Variants in POU6F2 observed in about 807,000 individuals in gnomAD.
The protein encoded by POU6F2 is POU domain, class 6, transcription factor 2.
POU6F2 carries 31 observed loss-of-function variants against 71.3 expected under a neutral mutation model. The observed-to-expected ratio is 0.43, with a 90% CI of 0.33 to 0.59. The LOEUF (loss-of-function observed/expected upper bound fraction) is 0.59. POU6F2 is among the 20% of genes least tolerant of loss of function. The pLI is 0.04. For missense variants in POU6F2, 783 were observed against 856.8 expected (o/e 0.91, Z 1.07); for synonymous variants, 347 against 355.7 (o/e 0.98, Z 0.27).
At chr7:39,379,803 G>A (rs1475696965) in intron 5 of POU6F2, among the ~76,000 whole-genome samples, 1 of 152,118 alleles carries the variant, frequency 6.6e-6, no homozygotes, top group Non-Finnish European at 1.5e-5. Flanking sequence ...AGAACTGTTC[G>A]CTTGGGCCAG....
chr7:39,349,856 G>A (rs1786107044), intron 5 of POU6F2, among the ~76,000 whole-genome samples: 1 of 152,212 alleles, frequency 6.6e-6, no homozygotes, highest in South Asian at 2.1e-4. Context: ...GCAGAGCCAA[G>A]GCAGAGAAAG....
rs78922387 is a variant in POU6F2, at chr7:39,187,076, A to T, written c.278-17159A>T. Among the ~76,000 whole-genome samples, 148 of 152,358 alleles carry T rather than the reference A, an allele frequency of 9.7e-4. 2 individuals carry two copies. The South Asian group carries it at 0.022, about 22-fold the overall frequency. On this transcript the variant is annotated intron_variant, in intron 2 of 9. Transcript: ENST00000518318. ...TATTGTGTGTTTACTATGTGCCAGA[A>T]ACTGCAATTATGCAATTTATTTATT...
chr7:39,055,833 A>C (rs1790503894), intron 1 of POU6F2, among the ~76,000 whole-genome samples: 1 of 151,964 alleles, frequency 6.6e-6, no homozygotes, highest in South Asian at 2.1e-4. Context: ...CTTGATGTTG[A>C]GCATTCTGTT....
At chr7:39,053,110 G>A (rs555413057) in intron 1 of POU6F2, among the ~76,000 whole-genome samples, 6 of 152,234 alleles carry the variant, frequency 3.9e-5, no homozygotes, top group Admixed American at 3.9e-4. Flanking sequence ...CCTTAGTAGA[G>A]CTGATCTATG....
chr7:39,375,596 G>A (rs1786695868), intron 5 of POU6F2, among the ~76,000 whole-genome samples: 1 of 151,392 alleles, frequency 6.6e-6, no homozygotes, highest in East Asian at 1.9e-4. Context: ...ACAGGGACTC[G>A]ATGGCCAAGA....
chr7:39,392,005 C>A (rs1428350039), intron 5 of POU6F2, among the ~76,000 whole-genome samples: 1 of 152,128 alleles, frequency 6.6e-6, no homozygotes, highest in Non-Finnish European at 1.5e-5. Flanking sequence ...CAATGAACAG[C>A]CCAGTTGTTT....
intron 4 of POU6F2, among the ~76,000 whole-genome samples, chr7:39,303,655 T>TGTGG (rs1486303776): frequency 6.6e-6 from 1 of 152,190 alleles, no homozygotes; most frequent in African/African-American, 2.4e-5. Flanking sequence ...CTTCAGTCAA[T>TGTGG]GTGGGAGCAA....
intron 1 of POU6F2, among the ~76,000 whole-genome samples, chr7:39,052,466 TGAATGCAAACAGGG>T (rs1481680237): frequency 6.6e-6 from 1 of 151,914 alleles, no homozygotes; most frequent in East Asian, 1.9e-4. Flanking sequence ...GGAGAGAGAA[TGAATGCAAACAGGG>T]GAAATACCAG....
At chr7:39,036,668 A>T (rs554226181) in intron 1 of POU6F2, among the ~76,000 whole-genome samples, 41 of 93,976 alleles carry the variant, frequency 4.4e-4, no homozygotes, top group African/African-American at 1.1e-3. Flanking sequence ...ACATAGATTT[A>T]AAAAAAAAAA....
At position 39,164,004 on chromosome 7, in the gene POU6F2, A is replaced by T. The variant is rs73365561; in HGVS notation, c.278-40231A>T. ...AAAATTCCAGTTAGGCAGGAGAAGTAAGTTCAAGAGATCTACTATAAATCA... is the reference window on the plus strand; with the variant it reads ...AAAATTCCAGTTAGGCAGGAGAAGTTAGTTCAAGAGATCTACTATAAATCA... On this transcript the variant is annotated intron_variant, in intron 2 of 9. Coordinates refer to ENST00000518318, the MANE Select transcript of POU6F2 (RefSeq NM_001370959.1). 7.7e-3 allele frequency among the ~76,000 whole-genome samples: 1,177 copies of T among 152,276 alleles called. 13 individuals are homozygous for T. Among genetic ancestry groups the T allele is most frequent in the African/African-American group, 0.027 (1,130 of 41,550 alleles).
intron 5 of POU6F2, among the ~76,000 whole-genome samples, chr7:39,347,045 C>A (rs1427841198): frequency 6.6e-6 from 1 of 152,172 alleles, no homozygotes; most frequent in East Asian, 1.9e-4. Flanking sequence ...CTGTGCTGGA[C>A]ATTTGAGTCA....
intron 4 of POU6F2, among the ~76,000 whole-genome samples, chr7:39,282,416 G>A (rs189334738): frequency 3.9e-5 from 6 of 152,014 alleles, no homozygotes; most frequent in East Asian, 3.9e-4. Flanking sequence ...ATCATTTGGC[G>A]TTTTACATTT....
At chr7:39,414,794 G>C (rs772738973) in intron 6 of POU6F2, among the ~76,000 whole-genome samples, 1 of 149,228 alleles carries the variant, frequency 6.7e-6, no homozygotes, top group African/African-American at 2.5e-5. Flanking sequence ...AGCCCTCTCT[G>C]AACTCTTTCT....
chr7:39,302,084 A>G (rs2128764888), intron 4 of POU6F2, among the ~76,000 whole-genome samples: 1 of 152,280 alleles, frequency 6.6e-6, no homozygotes, highest in African/African-American at 2.4e-5. Flanking sequence ...AATGAAGTCA[A>G]TTTCTCCAGT....
At chr7:39,439,788 CT>C (rs1260487639) in intron 7 of POU6F2, among the ~76,000 whole-genome samples, 14 of 152,114 alleles carry the variant, frequency 9.2e-5, no homozygotes, top group African/African-American at 1.2e-4. Flanking sequence ...CACACCCAGG[CT>C]TTTTGGTGTG....
chr7:39,063,542 G>C (rs901874451), intron 1 of POU6F2, among the ~76,000 whole-genome samples: 1 of 152,144 alleles, frequency 6.6e-6, no homozygotes. Flanking sequence ...GGATGAGAGA[G>C]ACAATGGATA....
chr7:39,005,521 T>TGTGTG (rs370125096), intron 1 of POU6F2, among the ~76,000 whole-genome samples: 1 of 149,330 alleles, frequency 6.7e-6, no homozygotes. Context: ...TGTGTTTATG[T>TGTGTG]TGTGTGTTGT....
intron 1 of POU6F2, among the ~76,000 whole-genome samples, chr7:39,071,262 C>A (rs1443604949): frequency 6.6e-6 from 1 of 152,026 alleles, no homozygotes; most frequent in East Asian, 1.9e-4. Flanking sequence ...CTCACACATG[C>A]AGTTCAAATA....
chr7:39,000,386 A>C (rs1304610612), intron 1 of POU6F2, among the ~76,000 whole-genome samples: 1 of 152,174 alleles, frequency 6.6e-6, no homozygotes, highest in African/African-American at 2.4e-5. Context: ...TGGACTGTCT[A>C]GTGAAGCAAA....
Sources: allele counts gnomAD v4.1 joint callset (sites outside exome capture counted in the v4.1 genomes callset), GRCh38; gene constraint gnomAD v4.1.1; transcripts MANE v1.5; gene names NCBI Gene and HGNC (gene_info 2026-07-23, HGNC 2026-07-21).